The following PTPN13 variants were observed in gnomAD, a reference collection of about 807,000 sequenced individuals.
PTPN13 encodes tyrosine-protein phosphatase non-receptor type 13.
In PTPN13, 191 loss-of-function variants were observed where a neutral mutation model predicts 284.0. The observed-to-expected ratio is 0.67, with a 90% CI of 0.60 to 0.76. The LOEUF (loss-of-function observed/expected upper bound fraction) is 0.76, where lower values mean the gene tolerates loss of function less well. PTPN13 is among the 30% of genes least tolerant of loss of function. The probability of loss-of-function intolerance (pLI) is 0.00; values close to 1 mark genes in which losing one functional copy is unlikely to be tolerated. For synonymous variants in PTPN13, 986 were observed against 1,022.3 expected (o/e 0.96, Z 0.68); for missense variants, 2,797 against 2,939.9 (o/e 0.95, Z 1.12).
intron 40 of PTPN13, among the ~76,000 whole-genome samples, chr4:86,795,805 C>T (rs1743270317): frequency 6.6e-6 from 1 of 152,066 alleles, no homozygotes; most frequent in Non-Finnish European, 1.5e-5. Context: ...AACCAAACAC[C>T]ACATGTTCTC....
chr4:86,622,631 A>G (rs188567008), intron 1 of PTPN13, among the ~76,000 whole-genome samples: 2 of 152,252 alleles, frequency 1.3e-5, no homozygotes, highest in Admixed American at 1.3e-4. Context: ...TAAAAGCCAA[A>G]CCTATTCTGA....
At chr4:86,719,335 T>C (rs1335330242) in intron 9 of PTPN13, among the ~76,000 whole-genome samples, 1 of 152,244 alleles carries the variant, frequency 6.6e-6, no homozygotes, top group Non-Finnish European at 1.5e-5. Flanking sequence ...CTGTATAGTA[T>C]TCCATTGTGT....
chr4:86,803,126 T>A, intron 42 of PTPN13, among the ~76,000 whole-genome samples: 1 of 150,094 alleles, frequency 6.7e-6, no homozygotes, highest in African/African-American at 2.5e-5. Context: ...AAAGACCTTC[T>A]TAGCCAGGTA....
intron 27 of PTPN13, 147 bp from the exon 28 acceptor site, chr4:86,767,670 A>AT (rs896419882): frequency 7.2e-3 from 3,751 of 521,366 alleles, no homozygotes; most frequent in Non-Finnish European, 8.4e-3. Flanking sequence ...TTGTTCCTCT[A>AT]TTTTTTTTTT....
At chr4:86,666,167 C>T (rs1228645108) in intron 2 of PTPN13, among the ~76,000 whole-genome samples, 2 of 152,134 alleles carry the variant, frequency 1.3e-5, no homozygotes, top group Non-Finnish European at 2.9e-5. Flanking sequence ...CTGGCTTACA[C>T]TATACTGTCT....
intron 17 of PTPN13, among the ~76,000 whole-genome samples, chr4:86,746,292 A>G (rs1471746653): frequency 6.6e-6 from 1 of 152,238 alleles, no homozygotes; most frequent in African/African-American, 2.4e-5. Flanking sequence ...ATCTAATTCT[A>G]CATAGTAAAT....
At chr4:86,752,626 A>G (rs1737524643) in intron 19 of PTPN13, among the ~76,000 whole-genome samples, 1 of 152,298 alleles carries the variant, frequency 6.6e-6, no homozygotes, top group East Asian at 1.9e-4. Flanking sequence ...AAAATAGTAA[A>G]TACTCTATAG....
At chr4:86,789,606 G>T (rs1327423297) in intron 40 of PTPN13, among the ~76,000 whole-genome samples, 2 of 152,108 alleles carry the variant, frequency 1.3e-5, no homozygotes, top group Non-Finnish European at 2.9e-5. Context: ...CAAGTTACTG[G>T]ATCTGGATTC....
intron 3 of PTPN13, among the ~76,000 whole-genome samples, chr4:86,682,214 T>G (rs1185615981): frequency 2.0e-5 from 3 of 152,186 alleles, no homozygotes; most frequent in Admixed American, 6.5e-5. Flanking sequence ...TTCCATCTTT[T>G]CATTGAATCC....
intron 2 of PTPN13, among the ~76,000 whole-genome samples, chr4:86,644,885 C>T (rs1273005807): frequency 1.3e-5 from 2 of 152,008 alleles, no homozygotes; most frequent in East Asian, 3.8e-4. Context: ...CATTTGGTAA[C>T]ATCTAATATC....
At chr4:86,655,860 C>A (rs1725736677) in intron 2 of PTPN13, among the ~76,000 whole-genome samples, 2 of 152,166 alleles carry the variant, frequency 1.3e-5, no homozygotes, top group African/African-American at 4.8e-5. Flanking sequence ...TCCATTCTCC[C>A]CATCACTTTC....
intron 6 of PTPN13, among the ~76,000 whole-genome samples, chr4:86,694,924 A>T (rs1293363548): frequency 1.3e-5 from 2 of 151,892 alleles, no homozygotes; most frequent in Non-Finnish European, 3.0e-5. Flanking sequence ...TAATTTAATC[A>T]GAGCATCAGA....
In PTPN13 at chr4:86,762,786, T is replaced by C. The variant is rs1393552430; in HGVS notation, c.3613T>C (p.Tyr1205His). The C allele has an allele frequency of 5.6e-6, 9 of 1,609,258 alleles. No individual in the cohort carries two copies. The highest frequency in any genetic ancestry group is 7.7e-6 in the Non-Finnish European group (9 of 1,175,974). Reference protein sequence around the residue: ...EMKNYMKKSSYMQDSAIDSSS... With the variant: ...EMKNYMKKSSHMQDSAIDSSS... ...GAAAAACTACATGAAGAAATCTTCC[T>C]ACATGCAAGACAGTGCTATAGATTC... Residue 1205 changes from tyrosine to histidine, a missense_variant, in exon 24 of 48, where the codon TAC becomes CAC. Transcript: ENST00000411767.
intron 7 of PTPN13, among the ~76,000 whole-genome samples, chr4:86,705,111 A>G (rs139122647): frequency 0.013 from 1,925 of 152,186 alleles, 23 homozygotes; most frequent in South Asian, 0.055. Flanking sequence ...CAGGGCGGGC[A>G]GATCACGAGG....
intron 24 of PTPN13, 32 bp downstream of exon 24, chr4:86,763,222 C>A: frequency 6.4e-7 from 1 of 1,556,994 alleles, no homozygotes; most frequent in South Asian, 1.2e-5. Context: ...TTGGTTTTCT[C>A]ATTTAACAAA....
chr4:86,646,193 T>G (rs1268447795), intron 2 of PTPN13, among the ~76,000 whole-genome samples: 1 of 150,888 alleles, frequency 6.6e-6, no homozygotes, highest in Non-Finnish European at 1.5e-5. Flanking sequence ...AAAAAAAAGA[T>G]ACAGTGGACT....
intron 1 of PTPN13, among the ~76,000 whole-genome samples, chr4:86,629,507 G>A (rs1306539324): frequency 6.6e-6 from 1 of 151,962 alleles, no homozygotes; most frequent in African/African-American, 2.4e-5. Flanking sequence ...GTGGGACTGT[G>A]GTTCATTTTT....
chr4:86,811,058 G>A lies in PTPN13; in HGVS notation c.7312G>A (p.Asp2438Asn), dbSNP rs760097489. 9 of 1,613,412 alleles carry A rather than the reference G, an allele frequency of 5.6e-6. No individual in the cohort carries two copies. Among genetic ancestry groups the A allele is most frequent in the Non-Finnish European group, 7.6e-6 (9 of 1,179,510 alleles). The change falls in exon 47 of 48, where the codon GAT (aspartate) becomes AAT (asparagine). Residue 2438 changes from aspartate to asparagine, a missense_variant. Physicochemically the swap from Asp to Asn is conservative, Grantham distance 23. Transcript: ENST00000411767. ...ISQDLDFDIS[D>N]LVRCMRLQRH... Reference sequence around the variant, plus strand: ...TTTCCTCTGACAGTTTGACATCTCTGATTTGGTGCGCTGCATGAGACTACA... The same window carrying A: ...TTTCCTCTGACAGTTTGACATCTCTAATTTGGTGCGCTGCATGAGACTACA...
intron 2 of PTPN13, among the ~76,000 whole-genome samples, chr4:86,646,869 C>T (rs143719661): frequency 1.3e-3 from 202 of 152,160 alleles, no homozygotes; most frequent in African/African-American, 4.6e-3. Flanking sequence ...TATAATGAAA[C>T]GCTACACATC....
Sources: allele counts gnomAD v4.1 joint callset (sites outside exome capture counted in the v4.1 genomes callset), GRCh38; gene constraint gnomAD v4.1.1; transcripts MANE v1.5; gene names NCBI Gene and HGNC (gene_info 2026-07-23, HGNC 2026-07-21).